The following ANKRD24 variants were observed in gnomAD, a reference collection of about 807,000 sequenced individuals.
ANKRD24 encodes the protein ankyrin repeat domain 24, also known as ankyrin repeat domain-containing protein 24.
In ANKRD24, 109 loss-of-function variants were observed where a neutral mutation model predicts 127.8. That is an observed-to-expected ratio of 0.85 (90% confidence interval 0.73 to 1.00). The LOEUF (loss-of-function observed/expected upper bound fraction) is 1.00. ANKRD24 is among the 50% of genes least tolerant of loss of function. ANKRD24 has a pLI of 0.00. For missense variants in ANKRD24, 1,648 were observed against 1,570.2 expected (o/e 1.05, Z -0.84); for synonymous variants, 743 against 671.1 (o/e 1.11, Z -1.66).
Position 4,210,424 on chromosome 19 carries a change from C to T in ANKRD24, c.1059+52C>T. ...TGGGCCAGCCTGGGTGGGGTCAATG[C>T]AGGCATGAAGATCCCCCTACTTTTC... On this transcript the variant is annotated intron_variant, in intron 13 of 21. Coordinates refer to ENST00000318934, the MANE Select transcript of ANKRD24 (RefSeq NM_001393985.1). The T allele has an allele frequency of 3.5e-6, 5 of 1,425,612 alleles. No individual in the cohort carries two copies. The South Asian group carries it at 6.7e-5, about 19-fold the overall frequency. The allele number at this position is 1,425,612 out of a possible 1,614,324, so 88.3% of individuals were successfully genotyped here.
At position 4,198,126 on chromosome 19, in the gene ANKRD24, C is replaced by T. The variant is rs1968860644; in HGVS notation, c.37-1557C>T. The T allele has an allele frequency of 2.0e-6, 1 of 501,892 alleles. No homozygotes were observed. The highest frequency in any genetic ancestry group is 3.5e-5 in the East Asian group (1 of 28,648). 31.1% of individuals were successfully genotyped at this position (501,892 alleles called of 1,614,324 possible). A position where few individuals can be genotyped will look rare whatever the true frequency, so the allele number is the denominator to read the frequency against. On this transcript the variant is annotated intron_variant, in intron 2 of 21. Coordinates refer to ENST00000318934, the MANE Select transcript of ANKRD24 (RefSeq NM_001393985.1). The surrounding 1 kb of genome is among the most constrained non-coding windows in gnomAD (Gnocchi z 6.1). The stretch of plus-strand genomic sequence containing the variant: ...CGGAGGAGGTGGAGATGGACGCCCG[C>T]GGGTCCCCTGGAGATGCAGCCGGCG...
intron 2 of ANKRD24, among the ~76,000 whole-genome samples, chr19:4,191,833 G>A (rs1294314672): frequency 3.3e-5 from 5 of 151,298 alleles, no homozygotes; most frequent in Non-Finnish European, 7.4e-5. Flanking sequence ...CCAGGCTGGA[G>A]TGCAGTGGTG....
chr19:4,205,812 C>T (rs1969346581), intron 7 of ANKRD24, among the ~76,000 whole-genome samples: 1 of 151,894 alleles, frequency 6.6e-6, no homozygotes, highest in South Asian at 2.1e-4. Context: ...CACACCCCTG[C>T]ACTCCAGCGT....
At chr19:4,187,582 C>A (rs930286059) in intron 2 of ANKRD24, among the ~76,000 whole-genome samples, 1 of 152,288 alleles carries the variant, frequency 6.6e-6, no homozygotes, top group South Asian at 2.1e-4. Flanking sequence ...GCTTCTTCCT[C>A]CATTGTCCCC....
intron 17 of ANKRD24, 48 bp downstream of exon 17, chr19:4,216,450 C>G (rs1233501444): frequency 6.4e-7 from 1 of 1,555,708 alleles, no homozygotes; most frequent in Non-Finnish European, 8.7e-7. Flanking sequence ...AGGGCTGGTT[C>G]CCTGAGGTCA....
intron 2 of ANKRD24, among the ~76,000 whole-genome samples, chr19:4,189,624 G>A (rs1320650215): frequency 1.3e-5 from 2 of 151,746 alleles, no homozygotes; most frequent in Non-Finnish European, 2.9e-5. Context: ...GGGCTCAAGA[G>A]ATCCTCCCGC....
chr19:4,186,270 C>T (rs1968055469), intron 1 of ANKRD24, 120 bp from the exon 2 acceptor site: 1 of 1,466,982 alleles, frequency 6.8e-7, no homozygotes, highest in Non-Finnish European at 9.0e-7. Flanking sequence ...GTGTCTTGCT[C>T]TAGGGGCCAG....
chr19:4,212,731 G>A, intron 15 of ANKRD24, 33 bp downstream of exon 15: 2 of 1,539,180 alleles, frequency 1.3e-6, no homozygotes, highest in Non-Finnish European at 1.8e-6. Flanking sequence ...GCTGGGCTGG[G>A]GCTGGGTCGG....
At chr19:4,183,982 A>C (rs1001329127) in intron 1 of ANKRD24, among the ~76,000 whole-genome samples, 11 of 152,232 alleles carry the variant, frequency 7.2e-5, no homozygotes, top group Admixed American at 1.3e-4. Flanking sequence ...AAGTACAGAA[A>C]GAATGTTCCT....
At position 4,217,375 on chromosome 19, in the gene ANKRD24, C is replaced by T. The variant is rs973023270; in HGVS notation, c.2215C>T (p.Arg739Trp). 1.1e-5 allele frequency: 17 copies of T among 1,550,648 alleles called. No individual in the cohort carries two copies. Among genetic ancestry groups the T allele is most frequent in the African/African-American group, 1.4e-5 (1 of 73,160 alleles). The change falls in exon 18 of 22, where the codon CGG (arginine) becomes TGG (tryptophan). Residue 739 changes from arginine (R) to tryptophan (W), a missense_variant. By Grantham distance (101) the Arg-to-Trp change is moderately radical (BLOSUM62 -3). Transcript: ENST00000318934. Reference protein sequence around the residue: ...IRGLEEALRQREREAAAELEA... With the variant: ...IRGLEEALRQWEREAAAELEA... ...TGGCTTGGAGGAGGCTCTCCGGCAG[C>T]GGGAGCGGGAGGCAGCTGCGGAGCT...
chr19:4,213,246 C>CT (rs745815950), intron 15 of ANKRD24, among the ~76,000 whole-genome samples: 5 of 93,086 alleles, frequency 5.4e-5, no homozygotes, highest in Non-Finnish European at 8.7e-5. Context: ...TCCCTCCTTC[C>CT]TTCCTTTCCT....
Position 4,217,032 on chromosome 19 carries a change from A to G in ANKRD24, c.1872A>G (p.Gly624=), listed in dbSNP as rs1375366435. ...CAAACATGGAAACTAAGCCCACAGGAGCTCAGGCCACAGACACAGAGACCA... is the reference window on the plus strand; with the variant it reads ...CAAACATGGAAACTAAGCCCACAGGGGCTCAGGCCACAGACACAGAGACCA... ...EEANMETKPT[G]AQATDTETTG... Residue 624 remains glycine (G), a synonymous_variant, in exon 18 of 22, where the codon GGA becomes GGG. Coordinates refer to ENST00000318934, the MANE Select transcript of ANKRD24 (RefSeq NM_001393985.1). 9.9e-6 allele frequency: 16 copies of G among 1,613,902 alleles called. No individual in the cohort carries two copies. The highest frequency in any genetic ancestry group is 1.4e-5 in the Non-Finnish European group (16 of 1,179,862).
In ANKRD24 at chr19:4,217,565, A is replaced by G; in HGVS notation, c.2405A>G (p.Asp802Gly). ...GCCCGGGAGGACCTCCGAGACCGGG[A>G]CTCCCGCCTGCGGGAGCTGGAGGCG... Reference protein sequence around the residue: ...EQAREDLRDRDSRLRELEAAS... With the variant: ...EQAREDLRDRGSRLRELEAAS... Residue 802 changes from aspartate to glycine, a missense_variant, in exon 18 of 22, where the codon GAC (aspartate) becomes GGC (glycine). Physicochemically the swap from Asp to Gly is moderately conservative, Grantham distance 94. Transcript: ENST00000318934. The G allele has an allele frequency of 7.6e-7, 1 of 1,307,288 alleles. No homozygotes were observed. Among genetic ancestry groups the G allele is most frequent in the Non-Finnish European group, 9.7e-7 (1 of 1,033,056 alleles). 81.0% of individuals were successfully genotyped at this position (1,307,288 alleles called of 1,614,324 possible).
chr19:4,220,002 G>A (rs558651936), intron 19 of ANKRD24, among the ~76,000 whole-genome samples: 51 of 152,258 alleles, frequency 3.3e-4, no homozygotes, highest in Admixed American at 2.0e-3. Flanking sequence ...TACTTGAGAC[G>A]GAGTCTCGCT....
chr19:4,205,944 C>T (rs1014093274), intron 7 of ANKRD24, among the ~76,000 whole-genome samples: 1 of 150,600 alleles, frequency 6.6e-6, no homozygotes, highest in Non-Finnish European at 1.5e-5. Context: ...CAATCGAGAC[C>T]ATCCTGGCTA....
At position 4,217,139 on chromosome 19, in the gene ANKRD24, G is replaced by A. The variant is rs1414297500; in HGVS notation, c.1979G>A (p.Gly660Glu). ...ATGCAGGCCTACGGAGTGGGTGCTG[G>A]GCAAGCAGAGCCCCCAGTCACAGGG... ...AEMQAYGVGA[G>E]QAEPPVTGTT... is the part of the protein sequence containing the mutation. The change falls in exon 18 of 22, where the codon GGG becomes GAG. Residue 660 changes from glycine to glutamate, a missense_variant. Gly to Glu is a moderately conservative substitution (Grantham distance 98). Coordinates refer to ENST00000318934, the MANE Select transcript of ANKRD24 (RefSeq NM_001393985.1). The A allele has an allele frequency of 6.2e-7, 1 of 1,613,482 alleles. No homozygotes were observed. Among genetic ancestry groups the A allele is most frequent in the Admixed American group, 1.7e-5 (1 of 59,904 alleles).
In ANKRD24 at chr19:4,224,287, T is replaced by C. The variant is rs142210509; in HGVS notation, c.3363+95T>C. ...CCCCTTCTGTACAGTGGGAGGCTGGTCTGGGGAGAGGTTCGTGGCATGTGG... is the reference window on the plus strand; with the variant it reads ...CCCCTTCTGTACAGTGGGAGGCTGGCCTGGGGAGAGGTTCGTGGCATGTGG... On this transcript the variant is annotated intron_variant, in intron 21 of 21. Coordinates refer to ENST00000318934, the MANE Select transcript of ANKRD24 (RefSeq NM_001393985.1). The C allele has an allele frequency of 1.2e-4, 175 of 1,435,688 alleles. No individual in the cohort carries two copies. In the African/African-American group the frequency reaches 2.2e-3, roughly 18 times the overall value. 88.9% of individuals were successfully genotyped at this position (1,435,688 alleles called of 1,614,324 possible). A position where few individuals can be genotyped will look rare whatever the true frequency, so the allele number is the denominator to read the frequency against.
At chr19:4,206,320 T>C (rs900388020) in intron 7 of ANKRD24, among the ~76,000 whole-genome samples, 28 of 150,510 alleles carry the variant, frequency 1.9e-4, no homozygotes, top group Non-Finnish European at 3.7e-4. Flanking sequence ...TATAGTGACA[T>C]TCCATTTCCA....
chr19:4,207,708 G>C, intron 9 of ANKRD24, 73 bp from the exon 10 acceptor site: 1 of 1,587,952 alleles, frequency 6.3e-7, no homozygotes, highest in Non-Finnish European at 8.6e-7. Context: ...TTCCCAGCCT[G>C]GCCTGGGTGC....
Sources: gnomAD v4.1 joint callset for allele counts (sites outside exome capture counted in the v4.1 genomes callset) on GRCh38, gnomAD v4.1.1 for gene constraint, Gnocchi (gnomAD v3.1) non-coding constraint, MANE v1.5 for transcripts, NCBI Gene and HGNC (gene_info 2026-07-23, HGNC 2026-07-21) for gene names.